Variants in GABRB1 observed in about 807,000 individuals in gnomAD.
GABRB1 encodes gamma-aminobutyric acid receptor subunit beta-1.
A neutral mutation model predicts 51.6 loss-of-function variants in GABRB1; 17 were observed. That is an observed-to-expected ratio of 0.33 (90% CI 0.23 to 0.49). The LOEUF is 0.49. GABRB1 is among the 20% of genes least tolerant of loss of function. GABRB1 has a pLI of 0.99. For synonymous variants in GABRB1, 247 were observed against 218.9 expected (o/e 1.13, Z -1.14); for missense variants, 410 against 600.6 (o/e 0.68, Z 3.32).
At chr4:47,043,569 T>C (rs1725953284) in intron 3 of GABRB1, among the ~76,000 whole-genome samples, 1 of 152,074 alleles carries the variant, frequency 6.6e-6, no homozygotes, top group Admixed American at 6.6e-5. Context: ...TGTTCCACAT[T>C]TTAAAGGAGT....
intron 3 of GABRB1, among the ~76,000 whole-genome samples, chr4:47,122,919 T>TTA (rs1715844154): frequency 6.6e-6 from 1 of 152,168 alleles, no homozygotes; most frequent in Non-Finnish European, 1.5e-5. Context: ...CTGAAATGAC[T>TTA]GGTAGAATAC....
intron 3 of GABRB1, among the ~76,000 whole-genome samples, chr4:47,151,724 T>C (rs2109718326): frequency 1.3e-5 from 2 of 152,184 alleles, no homozygotes; most frequent in East Asian, 3.9e-4. Context: ...ACAGAAAATC[T>C]ATTGTGTCAT....
intron 3 of GABRB1, among the ~76,000 whole-genome samples, chr4:47,049,522 C>T (rs28539387): frequency 0.014 from 2,168 of 152,282 alleles, 41 homozygotes; most frequent in African/African-American, 0.05. Context: ...CAGATCATTT[C>T]ATCACTGTCC....
chr4:47,208,563 T>A (rs1720229577), intron 4 of GABRB1, among the ~76,000 whole-genome samples: 1 of 152,122 alleles, frequency 6.6e-6, no homozygotes, highest in South Asian at 2.1e-4. Flanking sequence ...AATTGTATAC[T>A]TTAAATGGGT....
At chr4:47,126,414 A>G (rs890537203) in intron 3 of GABRB1, among the ~76,000 whole-genome samples, 2 of 152,164 alleles carry the variant, frequency 1.3e-5, no homozygotes, top group East Asian at 3.8e-4. Context: ...GATTATAAGT[A>G]TTCTCACCAC....
At chr4:47,300,653 C>T (rs1469730316) in intron 4 of GABRB1, among the ~76,000 whole-genome samples, 8 of 151,856 alleles carry the variant, frequency 5.3e-5, no homozygotes, top group South Asian at 2.1e-4. Flanking sequence ...TTTGTGGGTA[C>T]ATTGTAGGTG....
At chr4:47,332,892 T>C (rs1312807600) in intron 5 of GABRB1, among the ~76,000 whole-genome samples, 1 of 151,948 alleles carries the variant, frequency 6.6e-6, no homozygotes, top group African/African-American at 2.4e-5. Flanking sequence ...GGAAAAATTG[T>C]AAACTATTCT....
chr4:47,019,633 TTC>T (rs1432340967), intron 1 of GABRB1, among the ~76,000 whole-genome samples: 1 of 43,656 alleles, frequency 2.3e-5, no homozygotes, highest in Non-Finnish European at 4.6e-5. Flanking sequence ...CTCTCTTTCT[TTC>T]TTTCTTTCTT....
At chr4:47,161,219 T>G in intron 3 of GABRB1, 30 bp from the exon 4 acceptor site, 1 of 910,800 alleles carries the variant, frequency 1.1e-6, no homozygotes, top group Non-Finnish European at 1.5e-6. Context: ...GTAAAATTCT[T>G]TTTTTTTTTT....
intron 4 of GABRB1, among the ~76,000 whole-genome samples, chr4:47,295,783 A>G (rs938365465): frequency 6.6e-6 from 1 of 152,192 alleles, no homozygotes; most frequent in African/African-American, 2.4e-5. Flanking sequence ...CCTCGAGAAG[A>G]GCAACTCCAA....
chr4:47,126,084 A>G (rs1716130515), intron 3 of GABRB1, among the ~76,000 whole-genome samples: 1 of 151,972 alleles, frequency 6.6e-6, no homozygotes, highest in Non-Finnish European at 1.5e-5. Context: ...ACATACATAC[A>G]CACACAATGC....
chr4:47,150,905 G>T (rs893594586), intron 3 of GABRB1, among the ~76,000 whole-genome samples: 1 of 151,936 alleles, frequency 6.6e-6, no homozygotes, highest in Non-Finnish European at 1.5e-5. Flanking sequence ...TGTTGATAGT[G>T]ATTGTCTCTG....
At chr4:47,388,855 T>A (rs565909378) in intron 5 of GABRB1, among the ~76,000 whole-genome samples, 50 of 151,662 alleles carry the variant, frequency 3.3e-4, no homozygotes, top group Non-Finnish European at 1.0e-4. Flanking sequence ...AGATGGGAGG[T>A]GTTATTATGT....
intron 4 of GABRB1, among the ~76,000 whole-genome samples, chr4:47,299,770 G>T (rs1480353191): frequency 6.6e-6 from 1 of 152,060 alleles, no homozygotes; most frequent in African/African-American, 2.4e-5. Context: ...AAATCATGCT[G>T]TTATAAAGAC....
chr4:47,016,908 A>C (rs1280217561), intron 1 of GABRB1, among the ~76,000 whole-genome samples: 2 of 152,236 alleles, frequency 1.3e-5, no homozygotes, highest in East Asian at 3.9e-4. Flanking sequence ...CAATTTAGTG[A>C]GCAAAATGAT....
chr4:47,162,242 G>T (rs1328108677), intron 4 of GABRB1, among the ~76,000 whole-genome samples: 1 of 151,932 alleles, frequency 6.6e-6, no homozygotes, highest in Non-Finnish European at 1.5e-5. Context: ...CATTAGTTAT[G>T]GTTCATATAC....
chr4:47,089,233 C>A (rs1372333393), intron 3 of GABRB1, among the ~76,000 whole-genome samples: 5 of 152,176 alleles, frequency 3.3e-5, no homozygotes, highest in African/African-American at 1.2e-4. Context: ...GTTCAGTGAA[C>A]TGTGTCCTTA....
At chr4:47,130,795 A>G (rs1252928936) in intron 3 of GABRB1, among the ~76,000 whole-genome samples, 1 of 152,144 alleles carries the variant, frequency 6.6e-6, no homozygotes, top group Non-Finnish European at 1.5e-5. Context: ...ATTTATTATT[A>G]TATTTCCAGC....
chr4:47,002,097 G>T (rs1466170689), intron 1 of GABRB1, among the ~76,000 whole-genome samples: 1 of 152,106 alleles, frequency 6.6e-6, no homozygotes, highest in African/African-American at 2.4e-5. Context: ...TTTGAATTTT[G>T]TTCTTTTGAC....
Sources: gnomAD v4.1 joint callset for allele counts (sites outside exome capture counted in the v4.1 genomes callset) on GRCh38, gnomAD v4.1.1 for gene constraint, MANE v1.5 for transcripts, NCBI Gene and HGNC (gene_info 2026-07-23, HGNC 2026-07-21) for gene names.